Variants in TRPM3 observed in about 807,000 individuals in gnomAD.
TRPM3 encodes the protein long transient receptor potential channel 3.
TRPM3 carries 77 observed loss-of-function variants against 181.2 expected under a neutral mutation model. That is an observed-to-expected ratio of 0.42 (90% CI 0.35 to 0.51). TRPM3 has a LOEUF of 0.51. Ranked by LOEUF, TRPM3 falls within the 20% of genes least tolerant of loss-of-function variation. TRPM3 has a pLI of 0.01. For missense variants in TRPM3, 1,759 were observed against 2,196.7 expected, an observed-to-expected ratio of 0.80 and a Z score of 3.98; for synonymous variants, 745 against 796.4, an observed-to-expected ratio of 0.94 and a Z score of 1.09.
intron 1 of TRPM3, among the ~76,000 whole-genome samples, chr9:71,314,505 A>ATATGGAAAGAAGCAATGGAG (rs1269344707): frequency 6.6e-6 from 1 of 152,156 alleles, no homozygotes; most frequent in Non-Finnish European, 1.5e-5. Flanking sequence ...CCCAAAAAGC[A>ATATGGAAAGAAGCAATGGAG]TATGGAAAGA....
chr9:71,241,605 C>T (rs903626752), intron 1 of TRPM3, among the ~76,000 whole-genome samples: 47 of 152,002 alleles, frequency 3.1e-4, no homozygotes, highest in African/African-American at 1.0e-3. Flanking sequence ...ATGTAACTAA[C>T]CTGCATGTTG....
chr9:71,247,353 CA>C (rs34584730), intron 1 of TRPM3, among the ~76,000 whole-genome samples: 22,205 of 81,130 alleles, frequency 0.27, 1,179 homozygotes, highest in Middle Eastern at 0.47. Context: ...GACTCTGTCT[CA>C]AAAAAAAAAA....
At chr9:71,209,808 A>C (rs903557733) in intron 1 of TRPM3, among the ~76,000 whole-genome samples, 2 of 152,228 alleles carry the variant, frequency 1.3e-5, no homozygotes, top group Non-Finnish European at 2.9e-5. Flanking sequence ...GACCGTCAAT[A>C]AAGTTTTATT....
intron 1 of TRPM3, among the ~76,000 whole-genome samples, chr9:71,281,523 A>G (rs936175092): frequency 6.6e-6 from 1 of 152,114 alleles, no homozygotes; most frequent in African/African-American, 2.4e-5. Flanking sequence ...TCCGCTCAAT[A>G]TATTTGAATT....
At chr9:70,773,374 T>G (rs1588137695) in intron 7 of TRPM3, among the ~76,000 whole-genome samples, 1 of 152,278 alleles carries the variant, frequency 6.6e-6, no homozygotes, top group Non-Finnish European at 1.5e-5. Flanking sequence ...TATAGCCACC[T>G]CATGATGTTT....
At chr9:71,021,682 A>T (rs898454134) in intron 1 of TRPM3, among the ~76,000 whole-genome samples, 3 of 152,196 alleles carry the variant, frequency 2.0e-5, no homozygotes, top group African/African-American at 7.2e-5. Flanking sequence ...GAAATATTTG[A>T]GGTCAGATTT....
intron 8 of TRPM3, among the ~76,000 whole-genome samples, chr9:70,752,048 G>GTGTT (rs1335584570): frequency 2.3e-5 from 2 of 87,214 alleles, no homozygotes; most frequent in African/African-American, 7.7e-5. Context: ...GTGTGTGTGT[G>GTGTT]TGCGCGCGCG....
intron 1 of TRPM3, among the ~76,000 whole-genome samples, chr9:71,382,656 G>A (rs550522047): frequency 5.6e-4 from 85 of 150,662 alleles, no homozygotes; most frequent in African/African-American, 1.6e-3. Flanking sequence ...AAAAAGAAGC[G>A]AAGAGCAATA....
chr9:70,852,128 CAAAAAAAAAAAAAAAA>C (rs35682319), intron 3 of TRPM3, among the ~76,000 whole-genome samples: 2 of 44,912 alleles, frequency 4.5e-5, no homozygotes, highest in South Asian at 2.6e-3. Flanking sequence ...ACTCTATCTC[CAAAAAAAAAAAAAAAA>C]AAAAAAAAAA....
At chr9:71,039,046 T>C (rs577310839) in intron 1 of TRPM3, among the ~76,000 whole-genome samples, 1 of 152,324 alleles carries the variant, frequency 6.6e-6, no homozygotes, top group African/African-American at 2.4e-5. Context: ...GAGGGAAATG[T>C]ATCATGTATC....
rs199841517 is a variant in TRPM3 at position 70,598,690 on chromosome 9, G to C, written c.2797-20C>G. The C allele has an allele frequency of 1.3e-4, 211 of 1,609,560 alleles. 1 individual carries two copies. The African/African-American group carries it at 2.4e-3, about 18-fold the overall frequency. On this transcript the variant is annotated intron_variant, in intron 20 of 25. Transcript: ENST00000677713. ...CAGAATCTATAAGGCAGGAAGGAGA[G>C]CAGAGTTAGGTCTGGTTTCTGTCTG...
At chr9:70,924,558 T>A (rs1294763875) in intron 1 of TRPM3, among the ~76,000 whole-genome samples, 1 of 152,188 alleles carries the variant, frequency 6.6e-6, no homozygotes, top group Non-Finnish European at 1.5e-5. Context: ...GATGGATTCC[T>A]AGAAGTACAA....
chr9:71,116,633 T>C (rs564929423), intron 1 of TRPM3, among the ~76,000 whole-genome samples: 2 of 152,266 alleles, frequency 1.3e-5, no homozygotes, highest in Non-Finnish European at 2.9e-5. Context: ...AACCTGATCA[T>C]TGCTCCTTCA....
chr9:71,107,120 C>T (rs1367697965), intron 1 of TRPM3, among the ~76,000 whole-genome samples: 1 of 152,156 alleles, frequency 6.6e-6, no homozygotes, highest in East Asian at 1.9e-4. Flanking sequence ...AGCTGTACAT[C>T]AAAGCAGTAT....
chr9:71,047,002 C>T (rs144032745), intron 1 of TRPM3, among the ~76,000 whole-genome samples: 432 of 152,234 alleles, frequency 2.8e-3, no homozygotes, highest in African/African-American at 9.7e-3. Flanking sequence ...CTTTGTAATC[C>T]CTAAGAACTT....
chr9:71,277,578 TA>T (rs1330274848), intron 1 of TRPM3, among the ~76,000 whole-genome samples: 1 of 152,138 alleles, frequency 6.6e-6, no homozygotes, highest in Non-Finnish European at 1.5e-5. Context: ...CAACAAAGAA[TA>T]TTACAAGGTG....
chr9:70,681,526 A>G lies in TRPM3; in HGVS notation c.1325T>C (p.Ile442Thr). ...SEGHQDIDLA[I>T]LTALLKGANA... is the part of the protein sequence containing the mutation. ...TTTACCTTTGAGTAAAGCTGTCAGG[A>G]TAGCCAAATCAATGTCCTGGTGTCC... The change falls in exon 9 of 26, where the codon ATC (isoleucine) becomes ACC (threonine). Residue 442 changes from isoleucine (I) to threonine (T), a missense_variant. Coordinates refer to ENST00000677713, the MANE Select transcript of TRPM3 (RefSeq NM_001366145.2). 6.2e-7 allele frequency: 1 copy of G among 1,613,866 alleles called. No homozygotes were observed. Among genetic ancestry groups the G allele is most frequent in the Non-Finnish European group, 8.5e-7 (1 of 1,179,790 alleles).
At chr9:71,123,240 T>C (rs1479924398), upstream of TRPM3, among the ~76,000 whole-genome samples, 1 of 152,248 alleles carries the variant, frequency 6.6e-6, no homozygotes, top group African/African-American at 2.4e-5. Context: ...AGTTAAAGAC[T>C]TTAAAGAAGA....
chr9:71,189,049 C>A (rs2077853251), intron 1 of TRPM3, among the ~76,000 whole-genome samples: 1 of 151,784 alleles, frequency 6.6e-6, no homozygotes, highest in Non-Finnish European at 1.5e-5. Context: ...TGAGACTGGT[C>A]ATCAATATGT....
Sources: allele counts gnomAD v4.1 joint callset (sites outside exome capture counted in the v4.1 genomes callset), GRCh38; gene constraint gnomAD v4.1.1; transcripts MANE v1.5; gene names NCBI Gene and HGNC (gene_info 2026-07-23, HGNC 2026-07-21).